Variants in PRKCA observed in about 807,000 individuals in gnomAD.
PRKCA encodes protein kinase C alpha type.
Under a neutral mutation model 87.0 loss-of-function variants are expected in PRKCA, and 27 were observed. That is an observed-to-expected ratio of 0.31 (90% CI 0.23 to 0.43). The LOEUF (loss-of-function observed/expected upper bound fraction) is 0.43, where lower values mean the gene tolerates loss of function less well. Among genes scored for constraint, PRKCA ranks in the 20% least tolerant of loss-of-function variants. The pLI is 1.00. For synonymous variants in PRKCA, 329 were observed against 311.1 expected (o/e 1.06, Z -0.61); for missense variants, 518 against 852.3 (o/e 0.61, Z 4.88).
At chr17:66,733,364 G>A (rs1973951519) in intron 9 of PRKCA, among the ~76,000 whole-genome samples, 1 of 152,166 alleles carries the variant, frequency 6.6e-6, no homozygotes, top group South Asian at 2.1e-4. Context: ...ACACAGTAGA[G>A]TCATCCATAT....
At chr17:66,553,801 C>T (rs1003599) in intron 3 of PRKCA, among the ~76,000 whole-genome samples, 11,499 of 152,186 alleles carry the variant, frequency 0.076, 495 homozygotes, top group South Asian at 0.17. Flanking sequence ...GGAACCAAGA[C>T]GTGTAAGACA....
At chr17:66,356,389 A>C (rs190650903) in intron 2 of PRKCA, among the ~76,000 whole-genome samples, 23 of 152,266 alleles carry the variant, frequency 1.5e-4, no homozygotes, top group Admixed American at 3.9e-4. Context: ...TAATCCCAGC[A>C]CTTTGGGAGG....
chr17:66,373,729 C>T (rs538869932), intron 2 of PRKCA, among the ~76,000 whole-genome samples: 2 of 152,284 alleles, frequency 1.3e-5, no homozygotes, highest in African/African-American at 2.4e-5. Flanking sequence ...AACCAGTTAA[C>T]CTTTGTAGGA....
chr17:66,474,798 G>A (rs1222852498), intron 2 of PRKCA, among the ~76,000 whole-genome samples: 1 of 152,162 alleles, frequency 6.6e-6, no homozygotes, highest in South Asian at 2.1e-4. Flanking sequence ...GTAGAAAAAG[G>A]TTTGTGTGTT....
intron 16 of PRKCA, chr17:66,796,811 C>G: frequency 3.0e-6 from 3 of 985,402 alleles, no homozygotes; most frequent in Non-Finnish European, 3.6e-6. Context: ...AGGCGCTCCA[C>G]TGTACCCCAG....
At chr17:66,802,113 C>T (rs1008023009) in intron 16 of PRKCA, among the ~76,000 whole-genome samples, 2 of 152,092 alleles carry the variant, frequency 1.3e-5, no homozygotes, top group Non-Finnish European at 2.9e-5. Flanking sequence ...CCCAGCTACT[C>T]AGGAGGCTGA....
chr17:66,564,071 C>CTTCT (rs1358566487), intron 3 of PRKCA, among the ~76,000 whole-genome samples: 24 of 138,472 alleles, frequency 1.7e-4, no homozygotes, highest in Non-Finnish European at 2.9e-4. Flanking sequence ...TCCTTTCTTC[C>CTTCT]TTCTTTCTTT....
intron 3 of PRKCA, among the ~76,000 whole-genome samples, chr17:66,531,369 G>C (rs1407792915): frequency 6.6e-6 from 1 of 152,198 alleles, no homozygotes; most frequent in African/African-American, 2.4e-5. Context: ...AAGCATGGCA[G>C]CCTGGGCAGG....
chr17:66,717,089 C>T (rs964244316), intron 8 of PRKCA, among the ~76,000 whole-genome samples: 1 of 152,092 alleles, frequency 6.6e-6, no homozygotes, highest in Non-Finnish European at 1.5e-5. Context: ...TCTTAATTGT[C>T]GCTGTTGTGA....
intron 2 of PRKCA, among the ~76,000 whole-genome samples, chr17:66,481,692 AG>A (rs1403019939): frequency 1.3e-5 from 2 of 152,174 alleles, no homozygotes; most frequent in African/African-American, 4.8e-5. Flanking sequence ...AGATACCTGA[AG>A]GGACTGGGCT....
At chr17:66,693,951 A>C (rs1972849778) in intron 8 of PRKCA, among the ~76,000 whole-genome samples, 1 of 152,216 alleles carries the variant, frequency 6.6e-6, no homozygotes, top group Admixed American at 6.5e-5. Context: ...TCACTTATTT[A>C]CTATGTGACC....
At chr17:66,586,813 C>T (rs1487206371) in intron 3 of PRKCA, among the ~76,000 whole-genome samples, 2 of 152,130 alleles carry the variant, frequency 1.3e-5, no homozygotes, top group Non-Finnish European at 2.9e-5. Flanking sequence ...GCTGAATATC[C>T]ATAACATGTC....
At chr17:66,420,005 T>C (rs968998601) in intron 2 of PRKCA, among the ~76,000 whole-genome samples, 19 of 147,638 alleles carry the variant, frequency 1.3e-4, no homozygotes, top group African/African-American at 4.5e-4. Context: ...TTGTGTTCTT[T>C]TTTTTTTTTT....
intron 5 of PRKCA, among the ~76,000 whole-genome samples, chr17:66,668,573 G>T (rs1181486108): frequency 6.6e-6 from 1 of 152,208 alleles, no homozygotes. Context: ...TAGTGTCCCA[G>T]TAGACAGTGG....
intron 5 of PRKCA, among the ~76,000 whole-genome samples, chr17:66,678,525 A>G (rs1361553065): frequency 6.6e-6 from 1 of 152,194 alleles, no homozygotes; most frequent in Non-Finnish European, 1.5e-5. Context: ...GGGCAGTGTG[A>G]GCTTTAGCAT....
chr17:66,404,742 C>CTTTTT lies in PRKCA; in HGVS notation c.206-91436_206-91432dup, dbSNP rs773919783. ...CTGGCTGCTGGAAAGGATGGTAGGCCTTTTTTTTTTTTTTTTTTTTTTTTT... is the reference window on the plus strand; with the variant it reads ...CTGGCTGCTGGAAAGGATGGTAGGCCTTTTTTTTTTTTTTTTTTTTTTTTTTTTTT... On this transcript the variant is annotated intron_variant, in intron 2 of 16. Coordinates refer to ENST00000413366, the MANE Select transcript of PRKCA (RefSeq NM_002737.3). Among the ~76,000 whole-genome samples, 477 of 54,216 alleles carry CTTTTT rather than the reference C, an allele frequency of 8.8e-3. 111 individuals carry two copies. The highest frequency in any genetic ancestry group is 0.035 in the African/African-American group (445 of 12,788). 35.6% of individuals were successfully genotyped at this position (54,216 alleles called of 152,430 possible).
intron 3 of PRKCA, among the ~76,000 whole-genome samples, chr17:66,620,029 A>G (rs1437619964): frequency 6.6e-6 from 1 of 152,238 alleles, no homozygotes; most frequent in Admixed American, 6.5e-5. Context: ...GTTCCCTTAA[A>G]TAGCCACAGT....
At chr17:66,718,029 G>A (rs1392373151) in intron 8 of PRKCA, among the ~76,000 whole-genome samples, 1 of 152,170 alleles carries the variant, frequency 6.6e-6, no homozygotes. Context: ...GAAGGAAGTG[G>A]GGTGGCTTGG....
intron 2 of PRKCA, among the ~76,000 whole-genome samples, chr17:66,454,606 G>C (rs983836238): frequency 1.3e-5 from 2 of 152,122 alleles, no homozygotes; most frequent in South Asian, 2.1e-4. Context: ...GAAGGTGAAA[G>C]GCACATCCAC....
Sources: allele counts gnomAD v4.1 joint callset (sites outside exome capture counted in the v4.1 genomes callset), GRCh38; gene constraint gnomAD v4.1.1; transcripts MANE v1.5; gene names NCBI Gene and HGNC (gene_info 2026-07-23, HGNC 2026-07-21).